The following SLC39A10 variants were observed in gnomAD, a reference collection of about 807,000 sequenced individuals.
SLC39A10 encodes the protein solute carrier family 39 member 10, also known as zinc transporter ZIP10.
In SLC39A10, 13 loss-of-function variants were observed where a neutral mutation model predicts 65.1. The ratio of observed to expected loss-of-function variants is 0.20; its 90% confidence interval spans 0.13 to 0.32. The LOEUF is 0.32. Among genes scored for constraint, SLC39A10 ranks in the 10% least tolerant of loss-of-function variants. SLC39A10 has a pLI of 1.00. For synonymous variants in SLC39A10, 321 were observed against 342.2 expected, an observed-to-expected ratio of 0.94 and a Z score of 0.68; for missense variants, 831 against 1,018.4, an observed-to-expected ratio of 0.82 and a Z score of 2.50.
At chr2:195,663,337 A>G (rs1291022946) in intron 1 of SLC39A10, among the ~76,000 whole-genome samples, 1 of 152,072 alleles carries the variant, frequency 6.6e-6, no homozygotes, top group Non-Finnish European at 1.5e-5. Flanking sequence ...TCCTTACATT[A>G]TTTTGCTTGC....
intron 1 of SLC39A10, chr2:195,658,172 C>G (rs1689238252): frequency 6.6e-6 from 1 of 152,334 alleles, no homozygotes; most frequent in African/African-American, 2.4e-5. Context: ...TGGGGTCCCT[C>G]GAACGCCCCA....
chr2:195,683,975 T>C, intron 3 of SLC39A10, 69 bp downstream of exon 3: 1 of 1,055,264 alleles, frequency 9.5e-7, no homozygotes, highest in Non-Finnish European at 1.4e-6. Flanking sequence ...TATAGTTGAA[T>C]TAGAAAAGAA....
intron 8 of SLC39A10, among the ~76,000 whole-genome samples, chr2:195,721,160 G>C (rs984590124): frequency 1.3e-5 from 2 of 152,092 alleles, no homozygotes; most frequent in African/African-American, 4.8e-5. Context: ...AGCTGGTCTT[G>C]AACTCCTGGG....
Position 195,718,069 on chromosome 2 carries a change from T to C in SLC39A10, c.2066-183T>C, listed in dbSNP as rs892252038. On this transcript the variant is annotated intron_variant, in intron 7 of 9. Coordinates refer to ENST00000359634, the MANE Select transcript of SLC39A10 (RefSeq NM_020342.3). ...TGCTTTTATTGAATAGCTATTTCTC[T>C]AGTTGTTACATACTTATTATACTCC... 1.9e-4 allele frequency among the ~76,000 whole-genome samples: 29 copies of C among 152,232 alleles called. 1 individual carries two copies. The highest frequency in any genetic ancestry group is 1.6e-3 in the Admixed American group (24 of 15,288).
intron 8 of SLC39A10, among the ~76,000 whole-genome samples, chr2:195,718,643 T>C (rs1316490861): frequency 6.6e-6 from 1 of 152,192 alleles, no homozygotes; most frequent in Non-Finnish European, 1.5e-5. Flanking sequence ...AAATGCCACA[T>C]TTTGCTGTTA....
At chr2:195,718,471 C>T in intron 8 of SLC39A10, 139 bp downstream of exon 8, 1 of 532,022 alleles carries the variant, frequency 1.9e-6, no homozygotes, top group South Asian at 3.4e-5. Context: ...TAAGATACTT[C>T]ATGATGTTAA....
intron 2 of SLC39A10, among the ~76,000 whole-genome samples, chr2:195,683,226 C>T (rs763161765): frequency 6.6e-6 from 1 of 151,058 alleles, no homozygotes; most frequent in Non-Finnish European, 1.5e-5. Context: ...AGTTTTGTTC[C>T]TATCAACCGA....
At chr2:195,701,870 T>C (rs868734505) in intron 3 of SLC39A10, among the ~76,000 whole-genome samples, 5 of 151,780 alleles carry the variant, frequency 3.3e-5, no homozygotes, top group African/African-American at 1.2e-4. Context: ...TTAGTAGAGA[T>C]GGGTTTTTGT....
At chr2:195,681,949 G>T (rs1294739914) in intron 2 of SLC39A10, among the ~76,000 whole-genome samples, 1 of 152,014 alleles carries the variant, frequency 6.6e-6, no homozygotes, top group Non-Finnish European at 1.5e-5. Flanking sequence ...TTATGATAAG[G>T]CCTACTTACT....
At position 195,680,106 on chromosome 2, in the gene SLC39A10, T is replaced by G; in HGVS notation, c.64T>G (p.Cys22Gly). The stretch of plus-strand genomic sequence containing the variant: ...TTTGCTGACATTTATTTTTCATCAT[T>G]GCAACCATTGCCATGAAGAACATGA... ...ICLLTFIFHH[C>G]NHCHEEHDHG... The change falls in exon 2 of 10, where the codon TGC (cysteine) becomes GGC (glycine). Residue 22 changes from cysteine to glycine, a missense_variant. Cys to Gly is a radical substitution (Grantham distance 159, BLOSUM62 -3). Transcript: ENST00000359634. 1 of 1,611,258 alleles carries G rather than the reference T, an allele frequency of 6.2e-7. No homozygotes were observed. The highest frequency in any genetic ancestry group is 1.1e-5 in the South Asian group (1 of 89,834).
chr2:195,648,723 A>G (rs1688974658), intron 2 of SLC39A10, among the ~76,000 whole-genome samples: 1 of 152,168 alleles, frequency 6.6e-6, no homozygotes, highest in Admixed American at 6.5e-5. Context: ...TGTAAGAGTT[A>G]AGAACAGAGA....
At chr2:195,734,159 T>TA (rs35001848) in intron 9 of SLC39A10, among the ~76,000 whole-genome samples, 14,788 of 116,554 alleles carry the variant, frequency 0.13, 1,037 homozygotes, top group East Asian at 0.33. Context: ...CCTTTTTTTT[T>TA]AAAAAAAAAA....
chr2:195,695,801 G>C lies in SLC39A10; in HGVS notation c.1217-10815G>C, dbSNP rs565188828. ...TTAAAATGTTTATGAAATCCAGTTT[G>C]TCTGTTTTTTTGTTTTTGCCTGTGC... On this transcript the variant is annotated intron_variant, in intron 3 of 9. Transcript: ENST00000359634. 2.0e-5 allele frequency among the ~76,000 whole-genome samples: 3 copies of C among 152,258 alleles called. No homozygotes were observed. In the East Asian group the frequency reaches 5.8e-4, roughly 29 times the overall value.
At chr2:195,660,286 C>G (rs914655053) in intron 1 of SLC39A10, among the ~76,000 whole-genome samples, 1 of 152,158 alleles carries the variant, frequency 6.6e-6, no homozygotes, top group African/African-American at 2.4e-5. Flanking sequence ...TAAAGTGATA[C>G]CAGTCATAGT....
At chr2:195,689,121 G>C (rs115856286) in intron 3 of SLC39A10, among the ~76,000 whole-genome samples, 1 of 152,192 alleles carries the variant, frequency 6.6e-6, no homozygotes, top group Admixed American at 6.5e-5. Flanking sequence ...TTAAAAATTA[G>C]AGGACTGGCT....
Position 195,680,578 on chromosome 2 carries a change from G to T in SLC39A10, c.536G>T (p.Arg179Leu). The T allele has an allele frequency of 1.2e-6, 2 of 1,614,038 alleles. No individual in the cohort carries two copies. The highest frequency in any genetic ancestry group is 2.7e-5 in the African/African-American group (2 of 74,974). Residue 179 changes from arginine to leucine, a missense_variant, in exon 2 of 10, where the codon CGT becomes CTT. Physicochemically the swap from Arg to Leu is moderately radical, Grantham distance 102. This residue lies in a region of SLC39A10 where 446 missense variants were observed against 499.2 expected (regional missense o/e 0.89). Transcript: ENST00000359634. ...KHMHDHNHRL[R>L]HHHRLHHHLD... The stretch of plus-strand genomic sequence containing the variant: ...ATGCATGACCATAATCACCGCCTAC[G>T]TCATCACCATCGTTTGCATCATCAT...
chr2:195,732,707 T>C (rs2105851370), intron 9 of SLC39A10, among the ~76,000 whole-genome samples: 1 of 152,308 alleles, frequency 6.6e-6, no homozygotes. Flanking sequence ...GAACCATATG[T>C]AGGAAGCTGT....
intron 3 of SLC39A10, among the ~76,000 whole-genome samples, chr2:195,694,413 C>CA (rs1690858867): frequency 6.6e-6 from 1 of 152,108 alleles, no homozygotes; most frequent in Non-Finnish European, 1.5e-5. Context: ...AGTCAAAACT[C>CA]AAGGTCTGCT....
intron 2 of SLC39A10, among the ~76,000 whole-genome samples, chr2:195,683,391 T>A (rs1690406832): frequency 6.6e-6 from 1 of 152,086 alleles, no homozygotes; most frequent in South Asian, 2.1e-4. Flanking sequence ...AGGGAAATGA[T>A]TTTTCTCATC....
Sources: allele counts gnomAD v4.1 joint callset (sites outside exome capture counted in the v4.1 genomes callset), GRCh38; gene constraint gnomAD v4.1.1; regional missense constraint gnomAD v4.1.1; transcripts MANE v1.5; gene names NCBI Gene and HGNC (gene_info 2026-07-23, HGNC 2026-07-21).